The following SPATA31E1 variants were observed in gnomAD, a reference collection of about 807,000 sequenced individuals.
SPATA31E1 encodes spermatogenesis-associated protein 31E1.
In SPATA31E1, 7 loss-of-function variants were observed where a neutral mutation model predicts 12.9. That is an observed-to-expected ratio of 0.54 (90% CI 0.31 to 1.02). The LOEUF (loss-of-function observed/expected upper bound fraction) is 1.02. Ranked by LOEUF, SPATA31E1 falls within the 50% of genes least tolerant of loss-of-function variation. The pLI is 0.05. For missense variants in SPATA31E1, 1,961 were observed against 1,799.8 expected (o/e 1.09, Z -1.62); for synonymous variants, 771 against 719.0 (o/e 1.07, Z -1.16).
Position 87,888,568 on chromosome 9 carries a change from A to G in SPATA31E1, c.4081A>G (p.Arg1361Gly). 6.2e-7 allele frequency: 1 copy of G among 1,614,118 alleles called. No homozygotes were observed. The highest frequency in any genetic ancestry group is 8.5e-7 in the Non-Finnish European group (1 of 1,180,012). The stretch of plus-strand genomic sequence containing the variant: ...GGAGAATGTGCCTTCCTGCTGCCAC[A>G]GGGGTCACTGCCACCAAGAACGTAG... ...AQENVPSCCH[R>G]GHCHQERSRE... is the part of the protein sequence containing the mutation. The change falls in exon 4 of 4, where the codon AGG (arginine) becomes GGG (glycine). Residue 1361 changes from arginine (R) to glycine (G), a missense_variant. By Grantham distance (125) the Arg-to-Gly change is moderately radical (BLOSUM62 -2). Transcript: ENST00000325643.
Position 87,888,672 on chromosome 9 carries a change from C to T in SPATA31E1, c.4185C>T (p.Ile1395=). ...ACTGTCCTGTCAAAAACAGGGGCAT[C>T]AGAGACAGAGACAGCAGTTGGGCCC... ...GHHCPVKNRG[I]RDRDSSWAPP... The change falls in exon 4 of 4, where the codon ATC becomes ATT. Residue 1395 remains isoleucine (I), a synonymous_variant. Coordinates refer to ENST00000325643, the MANE Select transcript of SPATA31E1 (RefSeq NM_178828.5). 6.2e-7 allele frequency: 1 copy of T among 1,614,064 alleles called. No homozygotes were observed.
chr9:87,884,129 G>A (rs1232992561), intron 2 of SPATA31E1, 83 bp downstream of exon 2: 1 of 1,495,726 alleles, frequency 6.7e-7, no homozygotes, highest in Non-Finnish European at 9.1e-7. Context: ...AGAGGCCTGA[G>A]AGGGAAGCTC....
rs1453192770 is a variant in SPATA31E1, at chr9:87,887,620, T to C, written c.3133T>C (p.Trp1045Arg). 1.9e-6 allele frequency: 3 copies of C among 1,614,060 alleles called. No homozygotes were observed. Among genetic ancestry groups the C allele is most frequent in the South Asian group, 1.1e-5 (1 of 91,072 alleles). The part of the protein sequence containing the change: ...ALKVGEKPPT[W>R]EVTLGASVRA... Reference sequence around the variant, plus strand: ...GAAAGTGGGGGAGAAGCCCCCAACTTGGGAAGTCACCTTGGGAGCCAGTGT... The same window carrying C: ...GAAAGTGGGGGAGAAGCCCCCAACTCGGGAAGTCACCTTGGGAGCCAGTGT... Residue 1045 changes from tryptophan (W) to arginine (R), a missense_variant, in exon 4 of 4, where the codon TGG (tryptophan) becomes CGG (arginine). Physicochemically the swap from Trp to Arg is moderately radical, Grantham distance 101. Coordinates refer to ENST00000325643, the MANE Select transcript of SPATA31E1 (RefSeq NM_178828.5).
Position 87,884,024 on chromosome 9 carries a change from C to A in SPATA31E1, c.342C>A (p.Ser114Arg). The change falls in exon 2 of 4, where the codon AGC becomes AGA. Residue 114 changes from serine (S) to arginine (R), a missense_variant. Transcript: ENST00000325643. ...PQRERSGRSR[S>R]RKISALKACR... ...GGGAGAGAAGCGGGAGGTCCAGGAGCAGGAAGATCTCAGCTCTGAAAGGTG... is the reference window on the plus strand; with the variant it reads ...GGGAGAGAAGCGGGAGGTCCAGGAGAAGGAAGATCTCAGCTCTGAAAGGTG... The A allele has an allele frequency of 6.2e-7, 1 of 1,606,864 alleles. No individual in the cohort carries two copies. Among genetic ancestry groups the A allele is most frequent in the Non-Finnish European group, 8.5e-7 (1 of 1,176,210 alleles).
At position 87,886,944 on chromosome 9, in the gene SPATA31E1, C is replaced by T. The variant is rs1828289084; in HGVS notation, c.2457C>T (p.Asn819=). Residue 819 remains asparagine (N), a synonymous_variant, in exon 4 of 4, where the codon AAC becomes AAT. Coordinates refer to ENST00000325643, the MANE Select transcript of SPATA31E1 (RefSeq NM_178828.5). ...ASWRGGKAHV[N]TSQELSFLHP... ...GGAGGGGTGGGAAAGCCCACGTGAA[C>T]ACCTCCCAGGAGCTTTCCTTCCTCC... The T allele has an allele frequency of 1.9e-6, 3 of 1,614,094 alleles. No homozygotes were observed. The highest frequency in any genetic ancestry group is 2.5e-6 in the Non-Finnish European group (3 of 1,180,020).
rs773657594 is a variant in SPATA31E1 at position 87,886,337 on chromosome 9, G to C, written c.1850G>C (p.Gly617Ala). Residue 617 changes from glycine (G) to alanine (A), a missense_variant, in exon 4 of 4, where the codon GGG becomes GCG. By Grantham distance (60) the Gly-to-Ala change is moderately conservative. Coordinates refer to ENST00000325643, the MANE Select transcript of SPATA31E1 (RefSeq NM_178828.5). ...WSPKSAPILP[G>A]VVTSPELPEH... ...CCCAAGTCAGCCCCCATCCTTCCCG[G>C]GGTTGTCACCAGCCCTGAGCTCCCA... 3 of 1,613,514 alleles carry C rather than the reference G, an allele frequency of 1.9e-6. No individual in the cohort carries two copies. The highest frequency in any genetic ancestry group is 4.5e-5 in the East Asian group (2 of 44,862).
Position 87,886,956 on chromosome 9 carries a change from G to T in SPATA31E1, c.2469G>T (p.Glu823Asp), listed in dbSNP as rs756042412. ...AAGCCCACGTGAACACCTCCCAGGA[G>T]CTTTCCTTCCTCCATCCCTGCACCC... Reference protein sequence around the residue: ...GGKAHVNTSQELSFLHPCTQQ... With the variant: ...GGKAHVNTSQDLSFLHPCTQQ... Residue 823 changes from glutamate to aspartate, a missense_variant, in exon 4 of 4, where the codon GAG becomes GAT. Transcript: ENST00000325643. 1.9e-6 allele frequency: 3 copies of T among 1,614,104 alleles called. No homozygotes were observed. In the East Asian group the frequency reaches 6.7e-5, roughly 36 times the overall value.
Position 87,887,712 on chromosome 9 carries a change from C to T in SPATA31E1, c.3225C>T (p.Asn1075=). Reference sequence around the variant, plus strand: ...CAGGGGCTCTGGGGACCACTGGTAACCCCTCAGCGTCTTCAGTCTGTGTTG... The same window carrying T: ...CAGGGGCTCTGGGGACCACTGGTAATCCCTCAGCGTCTTCAGTCTGTGTTG... ...RSTGALGTTG[N]PSASSVCVAQ... The change falls in exon 4 of 4, where the codon AAC becomes AAT. Residue 1075 remains asparagine (N), a synonymous_variant. Transcript: ENST00000325643. The T allele has an allele frequency of 6.2e-7, 1 of 1,614,128 alleles. No homozygotes were observed. Among genetic ancestry groups the T allele is most frequent in the East Asian group, 2.2e-5 (1 of 44,882 alleles).
At position 87,886,037 on chromosome 9, in the gene SPATA31E1, C is replaced by A. The variant is rs1169424905; in HGVS notation, c.1550C>A (p.Pro517His). ...TPAWPQSQPP[P>H]LAEIQTQAHL... is the part of the protein sequence containing the mutation. The stretch of plus-strand genomic sequence containing the variant: ...GCCTGGCCCCAGTCCCAGCCCCCAC[C>A]TTTGGCTGAGATCCAGACCCAGGCC... The change falls in exon 4 of 4, where the codon CCT becomes CAT. Residue 517 changes from proline (P) to histidine (H), a missense_variant. By Grantham distance (77) the Pro-to-His change is moderately conservative. Coordinates refer to ENST00000325643, the MANE Select transcript of SPATA31E1 (RefSeq NM_178828.5). The A allele has an allele frequency of 6.2e-7, 1 of 1,613,190 alleles. No homozygotes were observed. Among genetic ancestry groups the A allele is most frequent in the Non-Finnish European group, 8.5e-7 (1 of 1,179,580 alleles).
Position 87,886,625 on chromosome 9 carries a change from G to T in SPATA31E1, c.2138G>T (p.Gly713Val), listed in dbSNP as rs759218088. Residue 713 changes from glycine (G) to valine (V), a missense_variant, in exon 4 of 4, where the codon GGG becomes GTG. Coordinates refer to ENST00000325643, the MANE Select transcript of SPATA31E1 (RefSeq NM_178828.5). ...AAGGGGTGCTTAGGGTCCAAACTAGGGCCGGACCCAAGCCGGGATCAAGGC... is the reference window on the plus strand; with the variant it reads ...AAGGGGTGCTTAGGGTCCAAACTAGTGCCGGACCCAAGCCGGGATCAAGGC... ...SDKGCLGSKL[G>V]PDPSRDQGSG... 1.2e-6 allele frequency: 2 copies of T among 1,613,980 alleles called. No individual in the cohort carries two copies. Among genetic ancestry groups the T allele is most frequent in the Non-Finnish European group, 1.7e-6 (2 of 1,180,000 alleles).
chr9:87,888,332 G>A lies in SPATA31E1; in HGVS notation c.3845G>A (p.Arg1282Gln), dbSNP rs766884117. 57 of 1,614,060 alleles carry A rather than the reference G, an allele frequency of 3.5e-5. 1 individual carries two copies. The highest frequency in any genetic ancestry group is 3.3e-4 in the Middle Eastern group (2 of 6,084). Residue 1282 changes from arginine to glutamine, a missense_variant, in exon 4 of 4, where the codon CGG becomes CAG. Transcript: ENST00000325643. ...QGLHPRKGGT[R>Q]WEDVLQKGKP... is the part of the protein sequence containing the mutation. Reference sequence around the variant, plus strand: ...CTACACCCCAGGAAAGGAGGCACACGGTGGGAAGATGTCCTGCAGAAAGGC... The same window carrying A: ...CTACACCCCAGGAAAGGAGGCACACAGTGGGAAGATGTCCTGCAGAAAGGC...
rs754020014 is a variant in SPATA31E1 at position 87,886,924 on chromosome 9, G to A, written c.2437G>A (p.Gly813Ser). Residue 813 changes from glycine (G) to serine (S), a missense_variant, in exon 4 of 4, where the codon GGT becomes AGT. Transcript: ENST00000325643. The stretch of plus-strand genomic sequence containing the variant: ...ACCTGGGAAGCTGGCATCCTGGAGG[G>A]GTGGGAAAGCCCACGTGAACACCTC... ...RKPGKLASWRGGKAHVNTSQE... is the reference protein window; with the variant it reads ...RKPGKLASWRSGKAHVNTSQE... 1.1e-5 allele frequency: 17 copies of A among 1,614,068 alleles called. No individual in the cohort carries two copies. Among genetic ancestry groups the A allele is most frequent in the East Asian group, 2.2e-5 (1 of 44,876 alleles).
In SPATA31E1 at chr9:87,883,106, G is replaced by A. The variant is rs761556140; in HGVS notation, c.215G>A (p.Ser72Asn). The change falls in exon 1 of 4, where the codon AGT becomes AAT. Residue 72 changes from serine to asparagine, a missense_variant. Transcript: ENST00000325643. ...TPWMMDFILT[S>N]VCGLVLLFLL... Reference sequence around the variant, plus strand: ...TGGATGATGGATTTCATCCTCACCAGTGTGTGTGGCCTAGTGCTCCTCTTC... The same window carrying A: ...TGGATGATGGATTTCATCCTCACCAATGTGTGTGGCCTAGTGCTCCTCTTC... The A allele has an allele frequency of 1.2e-6, 2 of 1,608,412 alleles. No homozygotes were observed. Among genetic ancestry groups the A allele is most frequent in the South Asian group, 2.2e-5 (2 of 89,628 alleles).
Position 87,887,138 on chromosome 9 carries a change from G to A in SPATA31E1, c.2651G>A (p.Arg884Gln), listed in dbSNP as rs778800039. ...TFTPWASWVS[R>Q]VESVPKVPIF... ...ACCCCCTGGGCCTCCTGGGTATCTC[G>A]GGTTGAATCTGTACCCAAGGTTCCC... The change falls in exon 4 of 4, where the codon CGG (arginine) becomes CAG (glutamine). Residue 884 changes from arginine to glutamine, a missense_variant. Physicochemically the swap from Arg to Gln is conservative, Grantham distance 43. Coordinates refer to ENST00000325643, the MANE Select transcript of SPATA31E1 (RefSeq NM_178828.5). 37 of 1,614,052 alleles carry A rather than the reference G, an allele frequency of 2.3e-5. No homozygotes were observed. The highest frequency in any genetic ancestry group is 2.0e-4 in the South Asian group (18 of 91,076).
In SPATA31E1 at chr9:87,882,903, C is replaced by T. The variant is rs377006333; in HGVS notation, c.12C>T (p.Leu4=). Residue 4 remains leucine, a synonymous_variant, in exon 1 of 4, where the codon CTC becomes CTT. Transcript: ENST00000325643. Reference sequence around the variant, plus strand: ...GTTGCTTGAAGGCGATGGGAAATCTCGTCATCCCTCTAGGGAAGGGCAGGG... The same window carrying T: ...GTTGCTTGAAGGCGATGGGAAATCTTGTCATCCCTCTAGGGAAGGGCAGGG... MGN[L]VIPLGKGRAG... is the part of the protein sequence containing the mutation. 5 of 1,611,028 alleles carry T rather than the reference C, an allele frequency of 3.1e-6. No individual in the cohort carries two copies. Among genetic ancestry groups the T allele is most frequent in the East Asian group, 4.5e-5 (2 of 44,818 alleles).
At position 87,887,161 on chromosome 9, in the gene SPATA31E1, C is replaced by G. The variant is rs1194417505; in HGVS notation, c.2674C>G (p.Pro892Ala). 1 of 1,614,078 alleles carries G rather than the reference C, an allele frequency of 6.2e-7. No homozygotes were observed. The highest frequency in any genetic ancestry group is 1.1e-5 in the South Asian group (1 of 91,076). Residue 892 changes from proline (P) to alanine (A), a missense_variant, in exon 4 of 4, where the codon CCC (proline) becomes GCC (alanine). Transcript: ENST00000325643. ...TCGGGTTGAATCTGTACCCAAGGTT[C>G]CCATTTTCCTGGGAAAACGTCCTCA... ...VSRVESVPKV[P>A]IFLGKRPQNG...
chr9:87,885,987 G>T lies in SPATA31E1; in HGVS notation c.1500G>T (p.Met500Ile). The stretch of plus-strand genomic sequence containing the variant: ...AGGCACCGCCCCAGCCCCACCACAT[G>T]GCCCAGCCCCAACATTTCACTCCAG... ...LSQAPPQPHH[M>I]AQPQHFTPAW... Residue 500 changes from methionine (M) to isoleucine (I), a missense_variant, in exon 4 of 4, where the codon ATG becomes ATT. Met to Ile is a conservative substitution (Grantham distance 10). Coordinates refer to ENST00000325643, the MANE Select transcript of SPATA31E1 (RefSeq NM_178828.5). The T allele has an allele frequency of 6.2e-7, 1 of 1,613,008 alleles. No individual in the cohort carries two copies. Among genetic ancestry groups the T allele is most frequent in the South Asian group, 1.1e-5 (1 of 91,060 alleles).
chr9:87,888,536 G>A lies in SPATA31E1; in HGVS notation c.4049G>A (p.Arg1350His), dbSNP rs11142017. 787,981 of 1,613,822 alleles carry A rather than the reference G, an allele frequency of 0.49. 194,150 individuals are homozygous for A. Among genetic ancestry groups the A allele is most frequent in the Non-Finnish European group, 0.5 (592,297 of 1,179,924 alleles). ...SEVNRHKGDFRAQENVPSCCH... is the reference protein window; with the variant it reads ...SEVNRHKGDFHAQENVPSCCH... ...GTCAATCGCCACAAAGGTGACTTCC[G>A]CGCCCAGGAGAATGTGCCTTCCTGC... Residue 1350 changes from arginine (R) to histidine (H), a missense_variant, in exon 4 of 4, where the codon CGC becomes CAC. Physicochemically the swap from Arg to His is conservative, Grantham distance 29 (BLOSUM62 0). Transcript: ENST00000325643.
Position 87,887,595 on chromosome 9 carries a change from G to A in SPATA31E1, c.3108G>A (p.Leu1036=). 5 of 1,614,152 alleles carry A rather than the reference G, an allele frequency of 3.1e-6. No individual in the cohort carries two copies. Among genetic ancestry groups the A allele is most frequent in the Non-Finnish European group, 4.2e-6 (5 of 1,180,030 alleles). ...GGGCTGAAGATGCCCTGCAGGCACTGAAAGTGGGGGAGAAGCCCCCAACTT... is the reference window on the plus strand; with the variant it reads ...GGGCTGAAGATGCCCTGCAGGCACTAAAAGTGGGGGAGAAGCCCCCAACTT... ...WARAEDALQA[L]KVGEKPPTWE... Residue 1036 remains leucine, a synonymous_variant, in exon 4 of 4, where the codon CTG becomes CTA. Coordinates refer to ENST00000325643, the MANE Select transcript of SPATA31E1 (RefSeq NM_178828.5).
Sources: gnomAD v4.1 joint callset for allele counts on GRCh38, gnomAD v4.1.1 for gene constraint, MANE v1.5 for transcripts, NCBI Gene and HGNC (gene_info 2026-07-23, HGNC 2026-07-21) for gene names.